Variants in IP6K2 observed in about 807,000 individuals in gnomAD.
The protein encoded by IP6K2 is inositol hexakisphosphate kinase 2, also known as ATP:1D-myo-inositol-hexakisphosphate phosphotransferase.
In IP6K2, 9 loss-of-function variants were observed where a neutral mutation model predicts 43.3. That is an observed-to-expected ratio of 0.21 (90% CI 0.13 to 0.36). The LOEUF is 0.36. Among genes scored for constraint, IP6K2 ranks in the 10% least tolerant of loss-of-function variants. IP6K2 has a pLI of 1.00. For missense variants in IP6K2, 332 were observed against 538.4 expected, an observed-to-expected ratio of 0.62 and a Z score of 3.79; for synonymous variants, 209 against 202.4, an observed-to-expected ratio of 1.03 and a Z score of -0.28.
Position 48,691,487 on chromosome 3 carries a change from A to G in IP6K2, c.429-5T>C. On this transcript the variant is annotated splice_region_variant and splice_polypyrimidine_tract_variant and intron_variant, in intron 3 of 5. Transcript: ENST00000328631. ...AATTCTTCTTCTAACTTATGGCTAT[A>G]AAGAGATAAGGACCAATAAATCAGT... 1 of 1,602,632 alleles carries G rather than the reference A, an allele frequency of 6.2e-7. No homozygotes were observed. Among genetic ancestry groups the G allele is most frequent in the Non-Finnish European group, 8.5e-7 (1 of 1,171,766 alleles).
intron 1 of IP6K2, chr3:48,699,788 T>C (rs1428682097): frequency 6.6e-6 from 1 of 152,158 alleles, no homozygotes; most frequent in Non-Finnish European, 1.5e-5. Context: ...CGTTTTACGG[T>C]CTGTAAAATG....
intron 1 of IP6K2, among the ~76,000 whole-genome samples, chr3:48,710,079 A>G (rs1198205036): frequency 2.0e-5 from 3 of 152,224 alleles, no homozygotes; most frequent in Admixed American, 2.0e-4. Flanking sequence ...CAGTGGATTC[A>G]GTCAATCAAG....
intron 1 of IP6K2, among the ~76,000 whole-genome samples, chr3:48,698,648 T>C (rs1371900039): frequency 6.6e-6 from 1 of 152,156 alleles, no homozygotes; most frequent in Non-Finnish European, 1.5e-5. Context: ...TTTTTTTGTA[T>C]TTTTAGTAGA....
chr3:48,713,652 T>C lies in IP6K2; in HGVS notation c.-131+3505A>G, dbSNP rs542208055. ...GTCTCAAGTAAGATAGGTGGATACA[T>C]AGAGAAAGCAAACAACATTAATTAG... is the stretch of plus-strand genomic sequence containing the variant. On this transcript the variant is annotated intron_variant, in intron 1 of 5. Coordinates refer to ENST00000328631, the MANE Select transcript of IP6K2 (RefSeq NM_016291.4). Among the ~76,000 whole-genome samples, 10 of 152,280 alleles carry C rather than the reference T, an allele frequency of 6.6e-5. No individual in the cohort carries two copies. In the South Asian group the frequency reaches 1.0e-3, roughly 16 times the overall value.
chr3:48,716,799 C>A (rs2081245404), intron 1 of IP6K2, among the ~76,000 whole-genome samples: 1 of 152,074 alleles, frequency 6.6e-6, no homozygotes, highest in Admixed American at 6.5e-5. Context: ...CTGGGGAGAC[C>A]CCTCAATGAC....
intron 1 of IP6K2, among the ~76,000 whole-genome samples, chr3:48,711,086 T>G (rs541999738): frequency 3.3e-5 from 5 of 152,240 alleles, no homozygotes; most frequent in African/African-American, 1.2e-4. Flanking sequence ...TTTTTTGTTA[T>G]TTTTAGTAGA....
intron 1 of IP6K2, among the ~76,000 whole-genome samples, chr3:48,696,988 CATG>C: frequency 1.3e-5 from 2 of 151,880 alleles, no homozygotes; most frequent in Middle Eastern, 6.9e-3. Context: ...CTCTAGGGCA[CATG>C]ATATCTGGCA....
chr3:48,716,731 G>C (rs530147881), intron 1 of IP6K2, among the ~76,000 whole-genome samples: 1 of 152,134 alleles, frequency 6.6e-6, no homozygotes, highest in Non-Finnish European at 1.5e-5. Context: ...CCTATCCAAA[G>C]ATCCGGGAAG....
Position 48,695,384 on chromosome 3 carries a change from G to C in IP6K2, c.-93C>G. ...TGTTGTTTGTCCGTGTGTCCCTCTC[G>C]TCTTGGCTCCTTGGCTTGTTCTGGC... On this transcript the variant is annotated 5_prime_UTR_variant, in exon 2 of 6. Coordinates refer to ENST00000328631, the MANE Select transcript of IP6K2 (RefSeq NM_016291.4). This position sits in a 1 kb window ranked among gnomAD's most constrained non-coding sequence, Gnocchi z 4.6. 1 of 1,467,240 alleles carries C rather than the reference G, an allele frequency of 6.8e-7. No homozygotes were observed. 90.9% of individuals were successfully genotyped at this position (1,467,240 alleles called of 1,614,324 possible).
intron 2 of IP6K2, chr3:48,694,787 C>G (rs1277493414): frequency 8.5e-6 from 13 of 1,535,674 alleles, no homozygotes; most frequent in East Asian, 2.4e-5. Flanking sequence ...CACCGTCCCC[C>G]CAGTGGGGGA....
At chr3:48,710,088 A>G (rs1280806503) in intron 1 of IP6K2, among the ~76,000 whole-genome samples, 9 of 152,170 alleles carry the variant, frequency 5.9e-5, no homozygotes, top group Admixed American at 5.9e-4. Flanking sequence ...CAGTCAATCA[A>G]GATCGCACGC....
chr3:48,691,225 T>C (rs2077754222), intron 4 of IP6K2, 82 bp downstream of exon 4: 1 of 1,199,274 alleles, frequency 8.3e-7, no homozygotes, highest in Non-Finnish European at 1.2e-6. Flanking sequence ...AAAACCTAAC[T>C]TCTCTCTCCA....
At chr3:48,716,759 A>G (rs1399301508) in intron 1 of IP6K2, among the ~76,000 whole-genome samples, 3 of 152,106 alleles carry the variant, frequency 2.0e-5, no homozygotes, top group Non-Finnish European at 4.4e-5. Flanking sequence ...CACCCGCCAA[A>G]TATCTGGGGA....
intron 1 of IP6K2, among the ~76,000 whole-genome samples, chr3:48,705,303 C>A (rs535446898): frequency 2.0e-5 from 3 of 151,266 alleles, no homozygotes. Context: ...GTGATCTGCC[C>A]GCGTCAGCCT....
intron 1 of IP6K2, among the ~76,000 whole-genome samples, chr3:48,707,705 T>C (rs901708620): frequency 5.9e-5 from 9 of 152,208 alleles, no homozygotes; most frequent in African/African-American, 1.9e-4. Context: ...CCCAAAGTGC[T>C]GGGATTACAG....
chr3:48,717,164 CTCAG>C lies in IP6K2; in HGVS notation c.-142_-139del, dbSNP rs1226662972. ...ATAGGACGCGAGCTTTACCTGCCGC[CTCAG>C]CCGGGTTCCTCGGCGTTTCCGTCCT... On this transcript the variant is annotated 5_prime_UTR_variant, in exon 1 of 6. Coordinates refer to ENST00000328631, the MANE Select transcript of IP6K2 (RefSeq NM_016291.4). 1 of 154,858 alleles carries C rather than the reference CTCAG, an allele frequency of 6.5e-6. No homozygotes were observed. Among genetic ancestry groups the C allele is most frequent in the Non-Finnish European group, 1.5e-5 (1 of 68,226 alleles). 9.6% of individuals were successfully genotyped at this position (154,858 alleles called of 1,614,324 possible).
intron 1 of IP6K2, among the ~76,000 whole-genome samples, chr3:48,712,814 C>G (rs752212192): frequency 1.3e-5 from 2 of 151,878 alleles, no homozygotes; most frequent in African/African-American, 2.4e-5. Context: ...GTCAGGAGTT[C>G]GAGACCAGCC....
intron 2 of IP6K2, chr3:48,694,242 T>C (rs2078058410): frequency 6.4e-7 from 1 of 1,551,226 alleles, no homozygotes; most frequent in African/African-American, 1.4e-5. Context: ...GGCTTTGTCC[T>C]GGAAAAAAAC....
chr3:48,689,424 T>C (rs2077584008), intron 5 of IP6K2, 114 bp downstream of exon 5: 5 of 1,105,202 alleles, frequency 4.5e-6, no homozygotes, highest in Non-Finnish European at 6.4e-6. Flanking sequence ...AGTGCTGGGA[T>C]TACAGGTGTG....
Sources: gnomAD v4.1 joint callset for allele counts (sites outside exome capture counted in the v4.1 genomes callset) on GRCh38, gnomAD v4.1.1 for gene constraint, Gnocchi (gnomAD v3.1) non-coding constraint, MANE v1.5 for transcripts, NCBI Gene and HGNC (gene_info 2026-07-23, HGNC 2026-07-21) for gene names.